GPR160: variants seen among roughly 807,000 people sequenced by gnomAD.
GPR160 encodes the protein probable G protein-coupled receptor 160.
A neutral mutation model predicts 2.6 loss-of-function variants in GPR160; 2 were observed. The observed-to-expected ratio is 0.77, with a 90% CI of 0.32 to 2.44. GPR160 has a LOEUF of 2.44. GPR160 is among the 30% of genes most tolerant of loss of function. The pLI is 0.11. For missense variants in GPR160, 351 were observed against 383.6 expected, an observed-to-expected ratio of 0.91 and a Z score of 0.71; for synonymous variants, 130 against 132.2, an observed-to-expected ratio of 0.98 and a Z score of 0.12.
chr3:170,069,557 C>T (rs1248936268), intron 2 of GPR160, among the ~76,000 whole-genome samples: 1 of 152,076 alleles, frequency 6.6e-6, no homozygotes, highest in South Asian at 2.1e-4. Flanking sequence ...ATTTTCCAGC[C>T]TCTGAAATTT....
chr3:170,048,074 C>G (rs142758491), intron 2 of GPR160, among the ~76,000 whole-genome samples: 11 of 152,282 alleles, frequency 7.2e-5, no homozygotes, highest in Non-Finnish European at 1.6e-4. Context: ...GGTGATCCAC[C>G]CGCCTTGGCC....
intron 2 of GPR160, among the ~76,000 whole-genome samples, chr3:170,053,898 G>A (rs977599902): frequency 4.0e-5 from 6 of 150,942 alleles, no homozygotes; most frequent in African/African-American, 1.5e-4. Context: ...TTTTTCATCT[G>A]TTGGCACTTT....
At chr3:170,066,194 C>G (rs538070766) in intron 2 of GPR160, among the ~76,000 whole-genome samples, 30 of 116,146 alleles carry the variant, frequency 2.6e-4, no homozygotes, top group South Asian at 5.8e-4. Flanking sequence ...AGGCTGGAGT[C>G]CAGTGGCACG....
chr3:170,040,776 GAGT>G (rs1716411889), intron 2 of GPR160, among the ~76,000 whole-genome samples: 1 of 152,214 alleles, frequency 6.6e-6, no homozygotes, highest in Non-Finnish European at 1.5e-5. Flanking sequence ...AGCACAAGAT[GAGT>G]AGAGGGCTGC....
At position 170,075,515 on chromosome 3, in the gene GPR160, T is replaced by C. The variant is rs115775356; in HGVS notation, c.-192-4259T>C. On this transcript the variant is annotated intron_variant, in intron 2 of 3. Coordinates refer to ENST00000355897, the MANE Select transcript of GPR160 (RefSeq NM_014373.3). ...ATTTCTTGCTCATACTATACACCCA[T>C]TGTGAATCGCCAGGGGCTTTGCTTC... 5.9e-3 allele frequency among the ~76,000 whole-genome samples: 893 copies of C among 152,304 alleles called. 9 individuals carry two copies. Among genetic ancestry groups the C allele is most frequent in the African/African-American group, 0.02 (845 of 41,556 alleles).
chr3:170,057,781 A>T (rs184562525), intron 2 of GPR160: 2 of 152,406 alleles, frequency 1.3e-5, no homozygotes, highest in Non-Finnish European at 2.9e-5. Context: ...CTGAGCAGGA[A>T]CACCAAGTGG....
Position 170,078,889 on chromosome 3 carries a change from G to C in GPR160, c.-192-885G>C, listed in dbSNP as rs193122798. 3.8e-3 allele frequency among the ~76,000 whole-genome samples: 580 copies of C among 152,220 alleles called. 18 individuals are homozygous for C. Among genetic ancestry groups the C allele is most frequent in the Admixed American group, 0.033 (509 of 15,292 alleles). ...AGGGAAAGGAGCAGGCCTTCTGGAA[G>C]GCCGGAAGGCTCTACATAGCTTCCG... On this transcript the variant is annotated intron_variant, in intron 2 of 3. Coordinates refer to ENST00000355897, the MANE Select transcript of GPR160 (RefSeq NM_014373.3).
rs1037331682 is a variant in GPR160, at chr3:170,061,992, AAAAT to A, written c.-192-17770_-192-17767del. Among the ~76,000 whole-genome samples, 287 of 151,212 alleles carry A rather than the reference AAAAT, an allele frequency of 1.9e-3. 2 individuals are homozygous for A. The highest frequency in any genetic ancestry group is 6.6e-3 in the African/African-American group (273 of 41,468). On this transcript the variant is annotated intron_variant, in intron 2 of 3. Transcript: ENST00000355897. The stretch of plus-strand genomic sequence containing the variant: ...AGGGAGACCCCATCTCTATGATTTT[AAAAT>A]AAATAAATAAAAATTAAATTCCAAG...
chr3:170,045,446 A>AAAAAAAAAAAAC, intron 2 of GPR160, among the ~76,000 whole-genome samples: 1 of 119,368 alleles, frequency 8.4e-6, no homozygotes, highest in African/African-American at 3.3e-5. Flanking sequence ...AAAAAAAAAA[A>AAAAAAAAAAAAC]ACCAATTAGC....
At chr3:170,040,036 A>G (rs1284926057) in intron 2 of GPR160, among the ~76,000 whole-genome samples, 1 of 151,578 alleles carries the variant, frequency 6.6e-6, no homozygotes, top group Non-Finnish European at 1.5e-5. Flanking sequence ...GGGTGGGGGG[A>G]AAGGGGAGGG....
chr3:170,078,957 G>A (rs1190731592), intron 2 of GPR160, among the ~76,000 whole-genome samples: 1 of 152,208 alleles, frequency 6.6e-6, no homozygotes, highest in Non-Finnish European at 1.5e-5. Context: ...ACCTTGAAGA[G>A]GGCAAGGAGT....
At chr3:170,060,926 TAGAC>T (rs1217746092) in intron 2 of GPR160, among the ~76,000 whole-genome samples, 5 of 152,284 alleles carry the variant, frequency 3.3e-5, no homozygotes, top group African/African-American at 1.2e-4. Context: ...AGAAAACAAT[TAGAC>T]AAATCGAGAT....
chr3:170,067,389 T>TTCAAA (rs1362443568), intron 2 of GPR160, among the ~76,000 whole-genome samples: 2 of 147,970 alleles, frequency 1.4e-5, no homozygotes, highest in African/African-American at 4.9e-5. Flanking sequence ...CTTCAAATCC[T>TTCAAA]TTGTTCATTT....
At chr3:170,055,901 T>A (rs1225210515) in intron 2 of GPR160, among the ~76,000 whole-genome samples, 2 of 152,256 alleles carry the variant, frequency 1.3e-5, no homozygotes, top group Non-Finnish European at 2.9e-5. Flanking sequence ...CCCAAAGTGC[T>A]GGGATTACAG....
intron 2 of GPR160, among the ~76,000 whole-genome samples, chr3:170,066,645 AG>A (rs1350904141): frequency 1.3e-5 from 2 of 152,214 alleles, no homozygotes; most frequent in African/African-American, 2.4e-5. Context: ...TTAAGTTTAA[AG>A]TAAGTTGTTT....
chr3:170,039,096 A>T (rs1345207758), intron 2 of GPR160, 53 bp downstream of exon 2: 1 of 152,142 alleles, frequency 6.6e-6, no homozygotes, highest in Non-Finnish European at 1.5e-5. Context: ...GAGAAGCATC[A>T]CAAAAGACAT....
chr3:170,059,341 A>G (rs941238501), intron 2 of GPR160, among the ~76,000 whole-genome samples: 1 of 152,268 alleles, frequency 6.6e-6, no homozygotes, highest in Non-Finnish European at 1.5e-5. Context: ...TACAAAGAAG[A>G]GAATTCAGAT....
intron 2 of GPR160, among the ~76,000 whole-genome samples, chr3:170,056,980 A>G (rs1469964488): frequency 6.6e-6 from 1 of 152,234 alleles, no homozygotes; most frequent in Admixed American, 6.5e-5. Flanking sequence ...AACTGGCAAT[A>G]CCAAGACTTC....
chr3:170,084,685 A>T lies in GPR160; in HGVS notation c.713A>T (p.Lys238Ile). ...TCCAGTTATACTGTGAGATCTAAAA[A>T]AATATTCTTATCCAAGCTCATTGTC... is the stretch of plus-strand genomic sequence containing the variant. The part of the protein sequence containing the change: ...SHSSYTVRSK[K>I]IFLSKLIVCF... Residue 238 changes from lysine (K) to isoleucine (I), a missense_variant, in exon 4 of 4, where the codon AAA becomes ATA. Transcript: ENST00000355897. The T allele has an allele frequency of 6.2e-7, 1 of 1,612,256 alleles. No individual in the cohort carries two copies. The highest frequency in any genetic ancestry group is 8.5e-7 in the Non-Finnish European group (1 of 1,178,644).
Sources: allele counts gnomAD v4.1 joint callset (sites outside exome capture counted in the v4.1 genomes callset), GRCh38; gene constraint gnomAD v4.1.1; transcripts MANE v1.5; gene names NCBI Gene and HGNC (gene_info 2026-07-23, HGNC 2026-07-21).